The following SNTG1 variants were observed in gnomAD, a reference collection of about 807,000 sequenced individuals.
The protein encoded by SNTG1 is gamma-1-syntrophin.
In SNTG1, 39 loss-of-function variants were observed where a neutral mutation model predicts 74.7. That is an observed-to-expected ratio of 0.52 (90% confidence interval 0.40 to 0.68). The LOEUF (loss-of-function observed/expected upper bound fraction) is 0.68, where lower values mean the gene tolerates loss of function less well. SNTG1 is among the 30% of genes least tolerant of loss of function. The probability of loss-of-function intolerance (pLI) is 0.00; values close to 1 mark genes in which losing one functional copy is unlikely to be tolerated. For synonymous variants in SNTG1, 254 were observed against 217.1 expected (o/e 1.17, Z -1.49); for missense variants, 685 against 609.5 (o/e 1.12, Z -1.30).
intron 1 of SNTG1, among the ~76,000 whole-genome samples, chr8:50,096,504 A>T (rs1168937733): frequency 6.6e-6 from 1 of 152,222 alleles, no homozygotes; most frequent in African/African-American, 2.4e-5. Flanking sequence ...GCTTTCCTTG[A>T]GTTCACAATA....
chr8:50,730,020 A>G (rs1042787230), intron 17 of SNTG1, among the ~76,000 whole-genome samples: 2 of 152,192 alleles, frequency 1.3e-5, no homozygotes, highest in African/African-American at 2.4e-5. Flanking sequence ...CTGCGATGCT[A>G]AAAAGTAGTT....
intron 2 of SNTG1, among the ~76,000 whole-genome samples, chr8:50,393,911 T>C (rs955864186): frequency 6.6e-6 from 1 of 152,136 alleles, no homozygotes; most frequent in African/African-American, 2.4e-5. Context: ...CGAGAAGAGG[T>C]TGATCTGATG....
intron 1 of SNTG1, among the ~76,000 whole-genome samples, chr8:50,088,096 A>G (rs1823082847): frequency 6.6e-6 from 1 of 150,434 alleles, no homozygotes; most frequent in South Asian, 2.1e-4. Context: ...CCATGTCCCT[A>G]CAAAGGACAC....
intron 17 of SNTG1, among the ~76,000 whole-genome samples, chr8:50,747,153 G>A (rs2095556894): frequency 6.6e-6 from 1 of 151,686 alleles, no homozygotes; most frequent in African/African-American, 2.4e-5. Context: ...CACCCCCTCA[G>A]GTATTCTTGG....
chr8:50,226,517 G>A (rs1426768292), intron 2 of SNTG1, among the ~76,000 whole-genome samples: 1 of 152,104 alleles, frequency 6.6e-6, no homozygotes. Context: ...GTCTCTAAGG[G>A]CAGCCACTAT....
intron 2 of SNTG1, among the ~76,000 whole-genome samples, chr8:50,189,254 T>G (rs1309053826): frequency 6.6e-6 from 1 of 152,172 alleles, no homozygotes; most frequent in Non-Finnish European, 1.5e-5. Context: ...ATAGTACTTT[T>G]TATTGTTATC....
chr8:50,377,083 T>C (rs535609104), intron 2 of SNTG1, among the ~76,000 whole-genome samples: 1 of 152,020 alleles, frequency 6.6e-6, no homozygotes, highest in Admixed American at 6.6e-5. Context: ...AATAAGCACA[T>C]AGAAAGGAGG....
intron 1 of SNTG1, among the ~76,000 whole-genome samples, chr8:50,028,542 T>C (rs1488194190): frequency 6.6e-6 from 1 of 151,250 alleles, no homozygotes; most frequent in Non-Finnish European, 1.5e-5. Flanking sequence ...CAATGTATTT[T>C]CAGACTGAAT....
intron 1 of SNTG1, among the ~76,000 whole-genome samples, chr8:50,036,957 T>C (rs1818219995): frequency 6.6e-6 from 1 of 152,206 alleles, no homozygotes; most frequent in Non-Finnish European, 1.5e-5. Context: ...TAATCTGCAA[T>C]CTCTGGAAGT....
chr8:50,224,044 C>T (rs1200957429), intron 2 of SNTG1, among the ~76,000 whole-genome samples: 2 of 151,712 alleles, frequency 1.3e-5, no homozygotes. Context: ...TATACAGCAG[C>T]ATTATCAAAA....
At chr8:50,064,128 T>C (rs1022935357) in intron 1 of SNTG1, among the ~76,000 whole-genome samples, 1 of 152,224 alleles carries the variant, frequency 6.6e-6, no homozygotes, top group Admixed American at 6.5e-5. Flanking sequence ...TAAAGTAACC[T>C]ACACAGTGCT....
At chr8:50,462,742 A>G (rs925478535) in intron 8 of SNTG1, among the ~76,000 whole-genome samples, 1 of 129,188 alleles carries the variant, frequency 7.7e-6, no homozygotes, top group African/African-American at 3.0e-5. Context: ...CTCCTCATGT[A>G]TTCATGTGTT....
chr8:49,981,196 A>G (rs555033038), intron 1 of SNTG1, among the ~76,000 whole-genome samples: 2 of 152,336 alleles, frequency 1.3e-5, no homozygotes, highest in South Asian at 4.1e-4. Flanking sequence ...AGAAGCAAAC[A>G]ATAGTACCTG....
At chr8:50,510,089 A>G (rs2094053446) in intron 9 of SNTG1, among the ~76,000 whole-genome samples, 1 of 152,200 alleles carries the variant, frequency 6.6e-6, no homozygotes, top group African/African-American at 2.4e-5. Context: ...GATACATCCC[A>G]TCAATAACTA....
At chr8:50,719,074 A>G (rs959831213) in intron 17 of SNTG1, among the ~76,000 whole-genome samples, 1 of 152,240 alleles carries the variant, frequency 6.6e-6, no homozygotes, top group Non-Finnish European at 1.5e-5. Flanking sequence ...TTCCTACAGA[A>G]AATTGATAAT....
chr8:50,123,089 T>A (rs1199825303), intron 1 of SNTG1, among the ~76,000 whole-genome samples: 2 of 141,970 alleles, frequency 1.4e-5, no homozygotes, highest in African/African-American at 5.1e-5. Context: ...GAGTACAAAA[T>A]CTTAGATGCA....
intron 1 of SNTG1, among the ~76,000 whole-genome samples, chr8:50,061,671 T>G (rs1820482716): frequency 6.6e-6 from 1 of 152,160 alleles, no homozygotes; most frequent in Non-Finnish European, 1.5e-5. Flanking sequence ...ATCCCACATG[T>G]TTAATATTCT....
At chr8:50,514,611 T>G (rs963025747) in intron 9 of SNTG1, among the ~76,000 whole-genome samples, 3 of 152,348 alleles carry the variant, frequency 2.0e-5, no homozygotes, top group Non-Finnish European at 2.9e-5. Flanking sequence ...GATTTCAATC[T>G]TCTTAAATTT....
intron 2 of SNTG1, among the ~76,000 whole-genome samples, chr8:50,261,201 G>C (rs1001468547): frequency 6.6e-6 from 1 of 152,214 alleles, no homozygotes; most frequent in East Asian, 1.9e-4. Flanking sequence ...GATAATAATT[G>C]TATCACTCTT....
Sources: allele counts gnomAD v4.1 joint callset (sites outside exome capture counted in the v4.1 genomes callset), GRCh38; gene constraint gnomAD v4.1.1; transcripts MANE v1.5; gene names NCBI Gene and HGNC (gene_info 2026-07-23, HGNC 2026-07-21).